The following KALRN variants were observed in gnomAD, a reference collection of about 807,000 sequenced individuals.
The protein encoded by KALRN is kalirin.
A neutral mutation model predicts 353.7 loss-of-function variants in KALRN; 70 were observed. The observed-to-expected ratio is 0.20, with a 90% confidence interval of 0.16 to 0.24. The LOEUF (loss-of-function observed/expected upper bound fraction) is 0.24, where lower values mean the gene tolerates loss of function less well. KALRN is among the 10% of genes least tolerant of loss of function. KALRN has a pLI of 1.00. For synonymous variants in KALRN, 1,391 were observed against 1,434.8 expected, an observed-to-expected ratio of 0.97 and a Z score of 0.69; for missense variants, 2,791 against 3,756.7, an observed-to-expected ratio of 0.74 and a Z score of 6.72.
chr3:124,318,202 A>G (rs1011678974), intron 6 of KALRN, among the ~76,000 whole-genome samples: 3 of 152,154 alleles, frequency 2.0e-5, no homozygotes, highest in Non-Finnish European at 4.4e-5. Flanking sequence ...CACTGGGGCT[A>G]TTCCTGTTCC....
chr3:124,226,953 CAT>C lies in KALRN; in HGVS notation c.74-1035_74-1034del, dbSNP rs376341307. ...TTGTGTCATGTCCCTAATGGCGACA[CAT>C]AACAGAGACCCCAGTTATAGCTCGA... is the stretch of plus-strand genomic sequence containing the variant. On this transcript the variant is annotated intron_variant, in intron 1 of 59. Transcript: ENST00000682506. Among the ~76,000 whole-genome samples, 459 of 152,270 alleles carry C rather than the reference CAT, an allele frequency of 3.0e-3. 2 individuals carry two copies. The highest frequency in any genetic ancestry group is 0.011 in the African/African-American group (437 of 41,548).
At chr3:124,501,690 A>G (rs932451581) in intron 33 of KALRN, among the ~76,000 whole-genome samples, 3 of 152,086 alleles carry the variant, frequency 2.0e-5, no homozygotes, top group Admixed American at 6.6e-5. Context: ...AGGCCACTAG[A>G]TGCAAGGGCA....
intron 37 of KALRN, among the ~76,000 whole-genome samples, chr3:124,649,932 T>C (rs891281244): frequency 2.0e-5 from 3 of 150,994 alleles, no homozygotes; most frequent in Middle Eastern, 3.5e-3. Context: ...AAGACCAGCC[T>C]GGGCAACATA....
At chr3:124,089,390 A>G (rs2060986446) in intron 1 of KALRN, among the ~76,000 whole-genome samples, 1 of 152,114 alleles carries the variant, frequency 6.6e-6, no homozygotes, top group Non-Finnish European at 1.5e-5. Flanking sequence ...TGATTCTCTG[A>G]TGGTGACCTC....
intron 34 of KALRN, among the ~76,000 whole-genome samples, chr3:124,566,593 T>C (rs1306045512): frequency 6.6e-6 from 1 of 152,102 alleles, no homozygotes; most frequent in Admixed American, 6.5e-5. Context: ...TGTGTGCAGT[T>C]ATGCACATAG....
At chr3:124,253,469 T>A (rs75535657) in intron 3 of KALRN, among the ~76,000 whole-genome samples, 1 of 152,200 alleles carries the variant, frequency 6.6e-6, no homozygotes, top group East Asian at 1.9e-4. Context: ...CTGCAGGTAC[T>A]AAAGGCTGCC....
At position 124,176,563 on chromosome 3, in the gene KALRN, G is replaced by A. The variant is rs185662442; in HGVS notation, c.74-51427G>A. 7.1e-4 allele frequency among the ~76,000 whole-genome samples: 108 copies of A among 152,266 alleles called. No individual in the cohort carries two copies. In the South Asian group the frequency reaches 0.014, roughly 20 times the overall value. On this transcript the variant is annotated intron_variant, in intron 1 of 59. Coordinates refer to ENST00000682506, the MANE Select transcript of KALRN (RefSeq NM_001388419.1). The stretch of plus-strand genomic sequence containing the variant: ...AAGTCAGGGTATGCACTGTCAAGCC[G>A]AAGTTGGCTGACCCAAACTGTGGAG...
rs1553894155 is a variant in KALRN at position 124,286,139 on chromosome 3, C to CTTTCTTT, written c.970-12652_970-12651insTTTCTTT. Among the ~76,000 whole-genome samples, 46 of 41,728 alleles carry CTTTCTTT rather than the reference C, an allele frequency of 1.1e-3. No homozygotes were observed. The East Asian group carries it at 0.019, about 17-fold the overall frequency. The allele number at this position is 41,728 out of a possible 152,430, so 27.4% of individuals were successfully genotyped here. A position where few individuals can be genotyped will look rare whatever the true frequency, so the allele number is the denominator to read the frequency against. ...TCTTTCTTTCTTTCTTTCTTTCTTT[C>CTTTCTTT]CTTTCTTTCTTTCCTTTCTTTCGTC... On this transcript the variant is annotated intron_variant, in intron 5 of 59. Coordinates refer to ENST00000682506, the MANE Select transcript of KALRN (RefSeq NM_001388419.1).
chr3:124,374,960 C>T (rs914796193), intron 10 of KALRN, among the ~76,000 whole-genome samples: 1 of 152,096 alleles, frequency 6.6e-6, no homozygotes, highest in East Asian at 1.9e-4. Context: ...GAATTTCTGC[C>T]GAGATGGGGT....
intron 13 of KALRN, chr3:124,410,148 G>C: frequency 2.0e-6 from 1 of 511,256 alleles, no homozygotes; most frequent in Non-Finnish European, 4.0e-6. Flanking sequence ...CAAGATTCCA[G>C]ACCTCTGAGA....
intron 34 of KALRN, chr3:124,584,759 G>C (rs1039285123): frequency 3.2e-6 from 5 of 1,542,968 alleles, no homozygotes; most frequent in Non-Finnish European, 4.4e-6. Flanking sequence ...TTTCCTTCCC[G>C]CCGCGCTCTC....
At chr3:124,477,399 TAATG>T in intron 27 of KALRN, 65 bp downstream of exon 27, 1 of 1,149,482 alleles carries the variant, frequency 8.7e-7, no homozygotes, top group South Asian at 1.3e-5. Flanking sequence ...TGCTTTGGCA[TAATG>T]GATGGATATT....
At chr3:124,380,487 G>A (rs527291883) in intron 10 of KALRN, among the ~76,000 whole-genome samples, 2 of 152,310 alleles carry the variant, frequency 1.3e-5, no homozygotes, top group African/African-American at 4.8e-5. Context: ...TCTACCACAG[G>A]TCCTACCTGA....
intron 1 of KALRN, among the ~76,000 whole-genome samples, chr3:124,047,563 G>C (rs2040600602): frequency 7.0e-6 from 1 of 142,092 alleles, no homozygotes; most frequent in Non-Finnish European, 1.5e-5. Context: ...CGCGATCTCT[G>C]TTCACTGCAA....
At chr3:124,247,387 A>C (rs77818851) in intron 3 of KALRN, among the ~76,000 whole-genome samples, 2 of 152,228 alleles carry the variant, frequency 1.3e-5, no homozygotes, top group African/African-American at 2.4e-5. Context: ...GTTTGATACA[A>C]TCTTTCTCAA....
At chr3:124,373,304 G>T (rs1434928293) in intron 10 of KALRN, among the ~76,000 whole-genome samples, 1 of 152,096 alleles carries the variant, frequency 6.6e-6, no homozygotes, top group Non-Finnish European at 1.5e-5. Context: ...ACCCCACCTG[G>T]ACATCTGACA....
chr3:124,089,761 AC>A (rs2061011220), intron 1 of KALRN, among the ~76,000 whole-genome samples: 1 of 151,814 alleles, frequency 6.6e-6, no homozygotes, highest in Non-Finnish European at 1.5e-5. Context: ...TGGAAGGTGC[AC>A]CAGCTTCTGT....
chr3:124,207,537 T>C (rs1171818656), intron 1 of KALRN, among the ~76,000 whole-genome samples: 2 of 152,200 alleles, frequency 1.3e-5, no homozygotes, highest in Admixed American at 1.3e-4. Context: ...GGATATGTCC[T>C]ATCCAGGGTG....
Position 124,664,334 on chromosome 3 carries a change from A to AGTGTGT in KALRN, c.6346-2083_6346-2078dup, listed in dbSNP as rs750940277. Among the ~76,000 whole-genome samples the AGTGTGT allele has an allele frequency of 6.0e-4, 76 of 126,870 alleles. 1 individual carries two copies. Among genetic ancestry groups the AGTGTGT allele is most frequent in the South Asian group, 1.0e-3 (4 of 3,858 alleles). The allele number at this position is 126,870 out of a possible 152,430, so 83.2% of individuals were successfully genotyped here. On this transcript the variant is annotated intron_variant, in intron 45 of 59. Coordinates refer to ENST00000682506, the MANE Select transcript of KALRN (RefSeq NM_001388419.1). Reference sequence around the variant, plus strand: ...TCACAGGAGCTGTGTTGTACATGTGAGTGTGTGTGTGTGTGTGTGTGTGTG... The same window carrying AGTGTGT: ...TCACAGGAGCTGTGTTGTACATGTGAGTGTGTGTGTGTGTGTGTGTGTGTGTGTGTG...
Sources: allele counts gnomAD v4.1 joint callset (sites outside exome capture counted in the v4.1 genomes callset), GRCh38; gene constraint gnomAD v4.1.1; transcripts MANE v1.5; gene names NCBI Gene and HGNC (gene_info 2026-07-23, HGNC 2026-07-21).